KCNN2: variants seen among roughly 807,000 people sequenced by gnomAD.
KCNN2 encodes small conductance calcium-activated potassium channel protein 2.
In KCNN2, 24 loss-of-function variants were observed where a neutral mutation model predicts 55.5. That is an observed-to-expected ratio of 0.43 (90% CI 0.31 to 0.61). The LOEUF (loss-of-function observed/expected upper bound fraction) is 0.61, where lower values mean the gene tolerates loss of function less well. KCNN2 is among the 20% of genes least tolerant of loss of function. KCNN2 has a pLI of 0.08. For missense variants in KCNN2, 754 were observed against 853.6 expected (o/e 0.88, Z 1.45); for synonymous variants, 431 against 336.1 (o/e 1.28, Z -3.09).
At chr5:114,249,287 T>TTC (rs1230562635) in intron 2 of KCNN2, among the ~76,000 whole-genome samples, 1 of 7,820 alleles carries the variant, frequency 1.3e-4, no homozygotes, top group Non-Finnish European at 4.4e-4. Flanking sequence ...TCTTTCTTTC[T>TTC]TTCTTTTTTT....
chr5:114,277,680 G>T (rs1755519600), intron 2 of KCNN2, among the ~76,000 whole-genome samples: 1 of 152,098 alleles, frequency 6.6e-6, no homozygotes, highest in Non-Finnish European at 1.5e-5. Flanking sequence ...GTGGTTTTCA[G>T]CTCCATCAGG....
intron 1 of KCNN2, among the ~76,000 whole-genome samples, chr5:114,171,275 G>T (rs146648493): frequency 6.6e-6 from 1 of 152,002 alleles, no homozygotes; most frequent in African/African-American, 2.4e-5. Flanking sequence ...CAACATAAAA[G>T]AAAACCTTTG....
chr5:114,430,756 G>T (rs1759767360), intron 3 of KCNN2, among the ~76,000 whole-genome samples: 1 of 152,016 alleles, frequency 6.6e-6, no homozygotes, highest in Non-Finnish European at 1.5e-5. Flanking sequence ...TTACCAAGTT[G>T]AGGAAATTCC....
chr5:114,057,809 C>T (rs1750243318), intron 1 of KCNN2, among the ~76,000 whole-genome samples: 1 of 152,002 alleles, frequency 6.6e-6, no homozygotes, highest in Admixed American at 6.6e-5. Flanking sequence ...ATGGTTGTTA[C>T]CTTTAGTAAT....
At chr5:114,239,308 A>G (rs751245373) in intron 2 of KCNN2, among the ~76,000 whole-genome samples, 2 of 152,212 alleles carry the variant, frequency 1.3e-5, no homozygotes, top group Non-Finnish European at 2.9e-5. Flanking sequence ...AAAAGCCACC[A>G]AAGACTTTGA....
intron 2 of KCNN2, among the ~76,000 whole-genome samples, chr5:114,353,841 G>A (rs533563262): frequency 2.0e-5 from 3 of 151,962 alleles, no homozygotes; most frequent in Non-Finnish European, 2.9e-5. Flanking sequence ...TACTTGGCAT[G>A]TTATTTTTCT....
chr5:114,159,628 G>A (rs757059168), intron 1 of KCNN2, among the ~76,000 whole-genome samples: 2 of 152,056 alleles, frequency 1.3e-5, no homozygotes, highest in African/African-American at 2.4e-5. Context: ...GAGTCCATCT[G>A]GTCCTGGACT....
intron 2 of KCNN2, among the ~76,000 whole-genome samples, chr5:114,270,963 C>T (rs573277480): frequency 2.0e-5 from 3 of 152,152 alleles, no homozygotes; most frequent in South Asian, 2.1e-4. Flanking sequence ...AAAGGTAGTG[C>T]GGACCCTTTA....
intron 7 of KCNN2, 63 bp downstream of exon 7, chr5:114,493,535 T>A: frequency 9.1e-7 from 1 of 1,095,954 alleles, no homozygotes; most frequent in Non-Finnish European, 1.4e-6. Context: ...TCACAGTCAC[T>A]AATCATGAAT....
At chr5:114,103,504 T>C (rs1410815068) in intron 1 of KCNN2, among the ~76,000 whole-genome samples, 2 of 152,110 alleles carry the variant, frequency 1.3e-5, no homozygotes, top group Non-Finnish European at 2.9e-5. Flanking sequence ...GCCTTGTGCC[T>C]GTTTTCAAAG....
At chr5:114,086,995 A>G (rs376557184) in intron 1 of KCNN2, among the ~76,000 whole-genome samples, 1 of 144,228 alleles carries the variant, frequency 6.9e-6, no homozygotes, top group East Asian at 1.9e-4. Flanking sequence ...GTGAGATGGT[A>G]TCTCATCGTG....
intron 3 of KCNN2, among the ~76,000 whole-genome samples, chr5:114,413,451 AT>A: frequency 6.6e-6 from 1 of 151,972 alleles, no homozygotes; most frequent in East Asian, 1.9e-4. Context: ...TGCCTGGCTA[AT>A]TTTTTATGTA....
intron 2 of KCNN2, among the ~76,000 whole-genome samples, chr5:114,257,053 G>A (rs1284955880): frequency 7.3e-6 from 1 of 137,802 alleles, no homozygotes; most frequent in Admixed American, 7.6e-5. Flanking sequence ...TGAGATAGAG[G>A]TCCACTTTCA....
chr5:114,285,283 CAAAAAAAAA>C (rs70976334), intron 2 of KCNN2, among the ~76,000 whole-genome samples: 1 of 56,276 alleles, frequency 1.8e-5, no homozygotes, highest in African/African-American at 7.6e-5. Flanking sequence ...ACTCCATCTC[CAAAAAAAAA>C]AAAAAAAAAA....
chr5:114,159,547 T>A (rs1752718432), intron 1 of KCNN2, among the ~76,000 whole-genome samples: 1 of 152,216 alleles, frequency 6.6e-6, no homozygotes, highest in South Asian at 2.1e-4. Context: ...TCCCTCTTTT[T>A]CTATTGATTG....
intron 3 of KCNN2, among the ~76,000 whole-genome samples, chr5:114,462,793 A>G (rs1056596853): frequency 6.6e-6 from 1 of 152,248 alleles, no homozygotes; most frequent in Non-Finnish European, 1.5e-5. Context: ...ATGTGCCTGT[A>G]TCATCTTACA....
intron 1 of KCNN2, among the ~76,000 whole-genome samples, chr5:114,059,621 TGCTGCTGG>T (rs1750284839): frequency 6.6e-6 from 1 of 152,224 alleles, no homozygotes; most frequent in African/African-American, 2.4e-5. Context: ...AGGTTTCTGA[TGCTGCTGG>T]TGTCTGAAGG....
intron 1 of KCNN2, among the ~76,000 whole-genome samples, chr5:114,125,622 G>C (rs949577040): frequency 6.6e-6 from 1 of 152,148 alleles, no homozygotes. Context: ...GACTTGTAGG[G>C]TGCATTAGTT....
chr5:114,346,503 C>T (rs545856910), intron 2 of KCNN2, among the ~76,000 whole-genome samples: 6 of 152,108 alleles, frequency 3.9e-5, no homozygotes, highest in East Asian at 1.9e-4. Context: ...CCAGATGTTT[C>T]GTTGTTAAAG....
Sources: allele counts gnomAD v4.1 joint callset (sites outside exome capture counted in the v4.1 genomes callset), GRCh38; gene constraint gnomAD v4.1.1; transcripts MANE v1.5; gene names NCBI Gene and HGNC (gene_info 2026-07-23, HGNC 2026-07-21).